Variants in SPAG17 observed in about 807,000 individuals in gnomAD.
The protein encoded by SPAG17 is sperm-associated antigen 17.
Under a neutral mutation model 273.6 loss-of-function variants are expected in SPAG17, and 169 were observed. That is an observed-to-expected ratio of 0.62 (90% CI 0.55 to 0.70). The LOEUF is 0.70. SPAG17 is among the 30% of genes least tolerant of loss of function. The pLI is 0.00. For synonymous variants in SPAG17, 825 were observed against 873.2 expected (o/e 0.94, Z 0.97); for missense variants, 2,557 against 2,627.8 (o/e 0.97, Z 0.59).
intron 3 of SPAG17, among the ~76,000 whole-genome samples, chr1:118,138,894 T>G (rs1185891578): frequency 6.6e-6 from 1 of 152,196 alleles, no homozygotes; most frequent in Non-Finnish European, 1.5e-5. Flanking sequence ...TCTTTCTTCC[T>G]GATATCTCTT....
chr1:117,988,860 G>A (rs968689161), intron 38 of SPAG17, among the ~76,000 whole-genome samples: 1 of 152,078 alleles, frequency 6.6e-6, no homozygotes, highest in African/African-American at 2.4e-5. Context: ...ATTTTTGGTG[G>A]AGTCTTCTCA....
At chr1:118,046,168 C>T (rs1463075212) in intron 20 of SPAG17, among the ~76,000 whole-genome samples, 6 of 151,918 alleles carry the variant, frequency 3.9e-5, no homozygotes, top group Non-Finnish European at 7.4e-5. Context: ...GAGACTCCAT[C>T]TCTACAAAAA....
chr1:118,020,151 C>A (rs1223037503), intron 28 of SPAG17, among the ~76,000 whole-genome samples: 1 of 152,140 alleles, frequency 6.6e-6, no homozygotes, highest in Non-Finnish European at 1.5e-5. Context: ...TCATTGCAGG[C>A]CAGGCGCAGT....
chr1:118,110,563 G>C (rs1656697107), intron 4 of SPAG17, among the ~76,000 whole-genome samples: 5 of 152,302 alleles, frequency 3.3e-5, no homozygotes, highest in Admixed American at 3.3e-4. Context: ...CCCAGAGACT[G>C]AGCCATTTCT....
At chr1:118,050,020 G>C (rs1278696791) in intron 20 of SPAG17, among the ~76,000 whole-genome samples, 3 of 152,136 alleles carry the variant, frequency 2.0e-5, no homozygotes, top group African/African-American at 7.2e-5. Flanking sequence ...AGGCAAAATA[G>C]TGGAGTTTAA....
At chr1:118,135,704 A>G (rs1658316535) in intron 3 of SPAG17, among the ~76,000 whole-genome samples, 1 of 152,016 alleles carries the variant, frequency 6.6e-6, no homozygotes, top group African/African-American at 2.4e-5. Flanking sequence ...AACTTGTAAA[A>G]CCTCACGCAA....
At chr1:118,042,722 T>C (rs1649914070) in intron 20 of SPAG17, among the ~76,000 whole-genome samples, 1 of 152,174 alleles carries the variant, frequency 6.6e-6, no homozygotes, top group East Asian at 1.9e-4. Flanking sequence ...TAACTTTACT[T>C]CATTCTCTCC....
At chr1:118,121,089 C>A (rs1657395019) in intron 3 of SPAG17, among the ~76,000 whole-genome samples, 1 of 151,850 alleles carries the variant, frequency 6.6e-6, no homozygotes, top group South Asian at 2.1e-4. Flanking sequence ...AGAGCAGCAC[C>A]CCTGGGCTTC....
At chr1:118,184,518 A>G (rs1184046341) in intron 1 of SPAG17, among the ~76,000 whole-genome samples, 3 of 152,156 alleles carry the variant, frequency 2.0e-5, no homozygotes, top group Non-Finnish European at 4.4e-5. Flanking sequence ...GATCTCCCAC[A>G]CCTTAAAAAT....
intron 7 of SPAG17, among the ~76,000 whole-genome samples, chr1:118,095,538 G>T (rs1350119260): frequency 6.6e-6 from 1 of 152,292 alleles, no homozygotes; most frequent in South Asian, 2.1e-4. Context: ...GCCAGGCCTT[G>T]GCCCAAATGA....
At chr1:118,060,100 T>C (rs1571372072) in intron 18 of SPAG17, among the ~76,000 whole-genome samples, 1 of 152,154 alleles carries the variant, frequency 6.6e-6, no homozygotes, top group Admixed American at 6.5e-5. Context: ...GGTTCTTTTG[T>C]TTCTTTCCTA....
At chr1:118,044,268 CA>C (rs1431963688) in intron 20 of SPAG17, among the ~76,000 whole-genome samples, 1 of 152,000 alleles carries the variant, frequency 6.6e-6, no homozygotes, top group Non-Finnish European at 1.5e-5. Context: ...GGGTGGATCA[CA>C]AGGTCAGGAG....
chr1:117,995,342 T>C (rs1657537927), intron 34 of SPAG17, among the ~76,000 whole-genome samples: 1 of 151,978 alleles, frequency 6.6e-6, no homozygotes, highest in African/African-American at 2.4e-5. Context: ...AACATCTATC[T>C]CTCCCAGTAA....
intron 3 of SPAG17, among the ~76,000 whole-genome samples, chr1:118,138,747 A>G (rs1658499294): frequency 6.6e-6 from 1 of 152,180 alleles, no homozygotes; most frequent in Non-Finnish European, 1.5e-5. Context: ...TACTTCTTAT[A>G]GTCTTTAATG....
At chr1:117,987,999 G>C in intron 39 of SPAG17, 106 bp downstream of exon 39, 1 of 1,427,184 alleles carries the variant, frequency 7.0e-7, no homozygotes, top group South Asian at 1.3e-5. Context: ...ATGAAGGGCT[G>C]TGAATTCATT....
chr1:118,064,234 G>A (rs1652692403), intron 18 of SPAG17, among the ~76,000 whole-genome samples: 1 of 152,052 alleles, frequency 6.6e-6, no homozygotes, highest in Non-Finnish European at 1.5e-5. Context: ...TCCCATTATT[G>A]AGTATATACA....
chr1:117,996,818 G>A, intron 32 of SPAG17, 75 bp from the exon 33 acceptor site: 1 of 1,418,786 alleles, frequency 7.0e-7, no homozygotes, highest in Non-Finnish European at 9.4e-7. Flanking sequence ...TTCAATTTGA[G>A]AAAACAGATG....
chr1:117,961,638 C>T (rs1300691783), intron 48 of SPAG17: 1 of 152,148 alleles, frequency 6.6e-6, no homozygotes, highest in Non-Finnish European at 1.5e-5. Context: ...CTTCTAGGCT[C>T]AGATATGCAG....
At chr1:118,081,685 A>G in intron 13 of SPAG17, 43 bp from the exon 14 acceptor site, 1 of 1,525,710 alleles carries the variant, frequency 6.6e-7, no homozygotes, top group Non-Finnish European at 9.1e-7. Flanking sequence ...TGTTCTTATT[A>G]GCACATGGTA....
Sources: allele counts gnomAD v4.1 joint callset (sites outside exome capture counted in the v4.1 genomes callset), GRCh38; gene constraint gnomAD v4.1.1; transcripts MANE v1.5; gene names NCBI Gene and HGNC (gene_info 2026-07-23, HGNC 2026-07-21).